The following ENKUR variants were observed in gnomAD, a reference collection of about 807,000 sequenced individuals.
ENKUR encodes the protein enkurin, TRPC channel interacting protein.
Under a neutral mutation model 27.6 loss-of-function variants are expected in ENKUR, and 19 were observed. That is an observed-to-expected ratio of 0.69 (90% CI 0.48 to 1.01). ENKUR has a LOEUF of 1.01. ENKUR is among the 50% of genes least tolerant of loss of function. The pLI, the probability that ENKUR is intolerant of heterozygous loss-of-function variation, is 0.00. For synonymous variants in ENKUR, 117 were observed against 96.9 expected (o/e 1.21, Z -1.22); for missense variants, 312 against 310.5 (o/e 1.00, Z -0.04).
At chr10:24,985,626 A>G (rs947089027) in intron 4 of ENKUR, among the ~76,000 whole-genome samples, 1 of 152,248 alleles carries the variant, frequency 6.6e-6, no homozygotes, top group Admixed American at 6.5e-5. Context: ...ATCTCTTAGG[A>G]GCAATAAAAG....
intron 1 of ENKUR, among the ~76,000 whole-genome samples, chr10:25,014,031 A>T (rs1850509980): frequency 6.6e-6 from 1 of 152,232 alleles, no homozygotes; most frequent in African/African-American, 2.4e-5. Flanking sequence ...TCAAATTTTG[A>T]AAACTGAATC....
chr10:25,040,898 C>A (rs941823152), intron 2 of ENKUR, among the ~76,000 whole-genome samples: 2 of 152,132 alleles, frequency 1.3e-5, no homozygotes, highest in African/African-American at 2.4e-5. Context: ...ATAAGTGCAT[C>A]CTTTTAATAG....
intron 4 of ENKUR, among the ~76,000 whole-genome samples, chr10:24,985,913 C>CA (rs1258189181): frequency 6.6e-6 from 1 of 152,028 alleles, no homozygotes; most frequent in African/African-American, 2.4e-5. Context: ...ACAAAAAATA[C>CA]AAAAAATAGC....
chr10:25,023,699 T>G (rs1360931583), intron 2 of ENKUR: 2 of 1,614,012 alleles, frequency 1.2e-6, no homozygotes, highest in Admixed American at 3.3e-5. Context: ...GTACCTCTAC[T>G]AGATCTAATT....
upstream of ENKUR, chr10:25,016,742 T>A (rs1850591024): frequency 6.6e-6 from 1 of 152,288 alleles, no homozygotes; most frequent in Non-Finnish European, 1.5e-5. Context: ...TGGACACTGC[T>A]CCCCCATTTC....
intron 2 of ENKUR, among the ~76,000 whole-genome samples, chr10:25,043,825 CTTTAG>C (rs1424141366): frequency 6.6e-6 from 1 of 151,066 alleles, no homozygotes; most frequent in Non-Finnish European, 1.5e-5. Flanking sequence ...TTTGACTAGT[CTTTAG>C]TTAACTGATT....
At chr10:25,020,883 G>A (rs1156559157), upstream of ENKUR, among the ~76,000 whole-genome samples, 1 of 152,176 alleles carries the variant, frequency 6.6e-6, no homozygotes, top group Non-Finnish European at 1.5e-5. Context: ...TTCCTGAATA[G>A]GAGGTTAATC....
At chr10:25,028,595 C>T (rs1190897638) in intron 2 of ENKUR, among the ~76,000 whole-genome samples, 1 of 152,202 alleles carries the variant, frequency 6.6e-6, no homozygotes, top group Non-Finnish European at 1.5e-5. Context: ...AACAAAATCT[C>T]TGTGAACATC....
At chr10:24,991,383 C>T (rs919579054) in intron 3 of ENKUR, among the ~76,000 whole-genome samples, 2 of 151,918 alleles carry the variant, frequency 1.3e-5, no homozygotes, top group East Asian at 1.9e-4. Flanking sequence ...AAACTTATGC[C>T]TCCATCCTGT....
intron 2 of ENKUR, among the ~76,000 whole-genome samples, chr10:25,044,113 G>C (rs1439290535): frequency 6.6e-6 from 1 of 152,006 alleles, no homozygotes; most frequent in African/African-American, 2.4e-5. Context: ...ACATTCTTCT[G>C]TTTCTTTTCA....
intron 3 of ENKUR, 77 bp from the exon 4 acceptor site, chr10:24,990,686 G>A: frequency 7.4e-7 from 1 of 1,359,968 alleles, no homozygotes; most frequent in Non-Finnish European, 1.0e-6. Flanking sequence ...AACTGATGAT[G>A]GAAGAAAAAG....
At chr10:24,989,064 C>T (rs1350278915) in intron 4 of ENKUR, among the ~76,000 whole-genome samples, 1 of 152,092 alleles carries the variant, frequency 6.6e-6, no homozygotes, top group Non-Finnish European at 1.5e-5. Context: ...CAAAAAGACA[C>T]AGAAGGGAAG....
intron 1 of ENKUR, among the ~76,000 whole-genome samples, chr10:25,004,937 A>G (rs1375096307): frequency 2.0e-5 from 3 of 152,084 alleles, no homozygotes; most frequent in African/African-American, 7.2e-5. Flanking sequence ...TAATTTTTGT[A>G]TATGGTGAGA....
chr10:24,993,489 T>C (rs913985576), intron 3 of ENKUR, among the ~76,000 whole-genome samples: 3 of 152,198 alleles, frequency 2.0e-5, no homozygotes, highest in African/African-American at 7.2e-5. Context: ...CATCTATCCT[T>C]GCTTGTTTTC....
upstream of ENKUR, among the ~76,000 whole-genome samples, chr10:25,019,439 A>T (rs1850675175): frequency 6.6e-6 from 1 of 152,170 alleles, no homozygotes; most frequent in Non-Finnish European, 1.5e-5. Context: ...GTGCCACTGC[A>T]CTCCTGCCTG....
chr10:24,987,808 C>A (rs912717403), intron 4 of ENKUR, among the ~76,000 whole-genome samples: 1 of 152,098 alleles, frequency 6.6e-6, no homozygotes, highest in Non-Finnish European at 1.5e-5. Flanking sequence ...AAATGAAAAT[C>A]AAACTCTAAG....
At chr10:25,025,471 A>AT (rs763779047) in intron 2 of ENKUR, 172 of 1,579,684 alleles carry the variant, frequency 1.1e-4, no homozygotes, top group South Asian at 1.0e-3. Flanking sequence ...TTCAGAGTAA[A>AT]TTTTTTTTTC....
At chr10:25,030,031 T>G (rs1850917259) in intron 2 of ENKUR, among the ~76,000 whole-genome samples, 2 of 152,218 alleles carry the variant, frequency 1.3e-5, no homozygotes. Flanking sequence ...CAACTGTTCA[T>G]TAGGTAATCC....
Position 25,016,158 on chromosome 10 carries a change from T to C in ENKUR, c.-222A>G. ...CCGGATTGCTAAGCGTCGTTGACTGTGCGGTTGCCGTGGAAACCGTTACTA... is the reference window on the plus strand; with the variant it reads ...CCGGATTGCTAAGCGTCGTTGACTGCGCGGTTGCCGTGGAAACCGTTACTA... On this transcript the variant is annotated 5_prime_UTR_variant, in exon 1 of 6. Transcript: ENST00000331161. 1.7e-6 allele frequency: 2 copies of C among 1,205,076 alleles called. No homozygotes were observed. The highest frequency in any genetic ancestry group is 2.1e-6 in the Non-Finnish European group (2 of 969,732). The allele number at this position is 1,205,076 out of a possible 1,614,324, so 74.6% of individuals were successfully genotyped here. A position where few individuals can be genotyped will look rare whatever the true frequency, so the allele number is the denominator to read the frequency against.
Sources: gnomAD v4.1 joint callset for allele counts (sites outside exome capture counted in the v4.1 genomes callset) on GRCh38, gnomAD v4.1.1 for gene constraint, MANE v1.5 for transcripts, NCBI Gene and HGNC (gene_info 2026-07-23, HGNC 2026-07-21) for gene names.